Variants in RPTOR observed in about 807,000 individuals in gnomAD.
RPTOR encodes the protein regulatory-associated protein of mTOR.
In RPTOR, 21 loss-of-function variants were observed where a neutral mutation model predicts 169.9. That is an observed-to-expected ratio of 0.12 (90% CI 0.09 to 0.18). The LOEUF is 0.18. RPTOR is among the 10% of genes least tolerant of loss of function. The pLI is 1.00. For missense variants in RPTOR, 1,133 were observed against 1,855.9 expected (o/e 0.61, Z 7.16); for synonymous variants, 732 against 753.2 (o/e 0.97, Z 0.46).
intron 20 of RPTOR, 56 bp from the exon 21 acceptor site, chr17:80,908,755 A>C (rs1301349976): frequency 2.3e-6 from 3 of 1,287,068 alleles, no homozygotes; most frequent in Non-Finnish European, 2.3e-6. Flanking sequence ...CAGCCGCCTT[A>C]GGAGCCTCAT....
At chr17:80,851,152 C>T (rs937915125) in intron 11 of RPTOR, among the ~76,000 whole-genome samples, 4 of 152,134 alleles carry the variant, frequency 2.6e-5, no homozygotes, top group African/African-American at 9.7e-5. Flanking sequence ...TGGTCTCGAC[C>T]TCCTGGCCTC....
chr17:80,736,464 A>G (rs185255983), intron 5 of RPTOR, among the ~76,000 whole-genome samples: 3 of 152,270 alleles, frequency 2.0e-5, no homozygotes, highest in East Asian at 3.9e-4. Context: ...GAAAACCTAT[A>G]CTTAAACTGA....
At chr17:80,686,702 A>C (rs4243241) in intron 3 of RPTOR, among the ~76,000 whole-genome samples, 26,667 of 151,982 alleles carry the variant, frequency 0.18, 3,750 homozygotes, top group African/African-American at 0.39. Context: ...CCGGTGTCTC[A>C]AGCACTCCAC....
In RPTOR at chr17:80,721,958, T is replaced by A. The variant is rs1159563645; in HGVS notation, c.508-8602T>A. Among the ~76,000 whole-genome samples, 1 of 151,234 alleles carries A rather than the reference T, an allele frequency of 6.6e-6. No homozygotes were observed. Among genetic ancestry groups the A allele is most frequent in the Non-Finnish European group, 1.5e-5 (1 of 68,026 alleles). On this transcript the variant is annotated intron_variant, in intron 4 of 33. Transcript: ENST00000306801. The surrounding 1 kb of genome is among the most constrained non-coding windows in gnomAD (Gnocchi z 4.7). ...GATTGTGCTGCTGATGGGAACTTCC[T>A]TTGACTTCACAAATACAAGGGATTG...
intron 20 of RPTOR, among the ~76,000 whole-genome samples, chr17:80,894,917 A>G (rs1040910973): frequency 2.0e-5 from 3 of 151,810 alleles, no homozygotes; most frequent in African/African-American, 7.3e-5. Context: ...AGAGGCCTTT[A>G]CCTCCTATTG....
intron 7 of RPTOR, among the ~76,000 whole-genome samples, chr17:80,794,378 C>T (rs1042082737): frequency 3.9e-5 from 6 of 152,174 alleles, no homozygotes; most frequent in African/African-American, 1.4e-4. Flanking sequence ...CAAATTAAAA[C>T]ACAGTGAGAC....
rs1400327876 is a variant in RPTOR at position 80,963,684 on chromosome 17, GCCCTCACC to G, written c.3940-575_3940-568del. ...CGTCCCTCACCCCGTCCCCTGTGCG[GCCCTCACC>G]CCGTCCCCTGTGCGGCCCTCACCCC... On this transcript the variant is annotated intron_variant, in intron 33 of 33. Coordinates refer to ENST00000306801, the MANE Select transcript of RPTOR (RefSeq NM_020761.3). Among the ~76,000 whole-genome samples, 12 of 9,668 alleles carry G rather than the reference GCCCTCACC, an allele frequency of 1.2e-3. 3 individuals carry two copies. The highest frequency in any genetic ancestry group is 6.4e-3 in the African/African-American group (9 of 1,402). The allele number at this position is 9,668 out of a possible 152,430, so 6.3% of individuals were successfully genotyped here. A position where few individuals can be genotyped will look rare whatever the true frequency, so the allele number is the denominator to read the frequency against.
At chr17:80,625,500 C>A (rs113401679) in intron 1 of RPTOR, among the ~76,000 whole-genome samples, 191 bp from the exon 2 acceptor site, 1,959 of 152,278 alleles carry the variant, frequency 0.013, 52 homozygotes, top group African/African-American at 0.044. Flanking sequence ...TGCTGTGAAA[C>A]CCTGCCTTCA....
Position 80,646,596 on chromosome 17 carries a change from T to C in RPTOR, c.348+2786T>C, listed in dbSNP as rs937073859. On this transcript the variant is annotated intron_variant, in intron 3 of 33. Coordinates refer to ENST00000306801, the MANE Select transcript of RPTOR (RefSeq NM_020761.3). The surrounding 1 kb of genome is among the most constrained non-coding windows in gnomAD (Gnocchi z 5.0). ...GTTCCTGACTGTAAATCAGGGTCCT[T>C]TGAAACATTGCAAGGCTAAACACGC... is the stretch of plus-strand genomic sequence containing the variant. Among the ~76,000 whole-genome samples, 6 of 152,176 alleles carry C rather than the reference T, an allele frequency of 3.9e-5. No homozygotes were observed. The highest frequency in any genetic ancestry group is 2.0e-4 in the Admixed American group (3 of 15,286).
intron 20 of RPTOR, among the ~76,000 whole-genome samples, chr17:80,896,589 G>A (rs886236030): frequency 2.0e-5 from 3 of 150,578 alleles, no homozygotes; most frequent in South Asian, 2.1e-4. Context: ...CCACACGGCC[G>A]CGCCGTCACA....
At chr17:80,765,257 G>A (rs1236921190) in intron 6 of RPTOR, among the ~76,000 whole-genome samples, 1 of 152,136 alleles carries the variant, frequency 6.6e-6, no homozygotes, top group Non-Finnish European at 1.5e-5. Flanking sequence ...ATTTTCATCT[G>A]GGCACTTGCT....
intron 13 of RPTOR, among the ~76,000 whole-genome samples, chr17:80,859,834 A>G (rs1330503248): frequency 6.6e-6 from 1 of 152,242 alleles, no homozygotes; most frequent in Non-Finnish European, 1.5e-5. Context: ...CTGTGAAGTT[A>G]GCTTGAATTT....
At chr17:80,822,387 A>T in intron 8 of RPTOR, 86 bp downstream of exon 8, 1 of 1,283,806 alleles carries the variant, frequency 7.8e-7, no homozygotes. Context: ...GGAGTCAGAT[A>T]GGATCCGTGA....
intron 20 of RPTOR, among the ~76,000 whole-genome samples, chr17:80,904,141 A>T (rs1015909010): frequency 2.6e-4 from 39 of 152,142 alleles, no homozygotes; most frequent in African/African-American, 8.4e-4. Flanking sequence ...CGGCCGGCCC[A>T]GGAGGAGGGA....
At chr17:80,786,885 C>T (rs1209410563) in intron 6 of RPTOR, among the ~76,000 whole-genome samples, 2 of 152,216 alleles carry the variant, frequency 1.3e-5, no homozygotes, top group African/African-American at 4.8e-5. Flanking sequence ...AGCCTGGATC[C>T]GTCACAATTC....
chr17:80,918,494 G>GCGGGGGTCATAGCCATGAGCACCCTCA (rs1567986188), intron 21 of RPTOR, among the ~76,000 whole-genome samples: 2 of 102,538 alleles, frequency 2.0e-5, no homozygotes, highest in African/African-American at 7.3e-5. Flanking sequence ...GAGCACCCTC[G>GCGGGGGTCATAGCCATGAGCACCCTCA]CGGGGGTCAT....
At chr17:80,743,791 C>CTACTAGCACTGTCCTGGT (rs1567887299) in intron 5 of RPTOR, among the ~76,000 whole-genome samples, 1 of 63,408 alleles carries the variant, frequency 1.6e-5, no homozygotes, top group African/African-American at 4.8e-5. Flanking sequence ...AGAGCCCTGG[C>CTACTAGCACTGTCCTGGT]TACTAGCACA....
chr17:80,631,294 C>T (rs954987687), intron 2 of RPTOR, among the ~76,000 whole-genome samples: 1 of 152,074 alleles, frequency 6.6e-6, no homozygotes, highest in Admixed American at 6.5e-5. Context: ...GGACTTCAAG[C>T]CTCTCCACAC....
chr17:80,729,550 CA>C (rs1294639375), intron 4 of RPTOR, among the ~76,000 whole-genome samples: 2 of 152,188 alleles, frequency 1.3e-5, no homozygotes, highest in African/African-American at 2.4e-5. Context: ...TTTCACTCAG[CA>C]GATTAGTGTT....
Sources: gnomAD v4.1 joint callset for allele counts (sites outside exome capture counted in the v4.1 genomes callset) on GRCh38, gnomAD v4.1.1 for gene constraint, Gnocchi (gnomAD v3.1) non-coding constraint, MANE v1.5 for transcripts, NCBI Gene and HGNC (gene_info 2026-07-23, HGNC 2026-07-21) for gene names.